CD1D: variants seen among roughly 807,000 people sequenced by gnomAD.
The protein encoded by CD1D is antigen-presenting glycoprotein CD1d.
CD1D carries 40 observed loss-of-function variants against 42.1 expected under a neutral mutation model. That is an observed-to-expected ratio of 0.95 (90% CI 0.74 to 1.24). The LOEUF (loss-of-function observed/expected upper bound fraction) is 1.24. CD1D is among the 50% of genes most tolerant of loss of function. The pLI, the probability that CD1D is intolerant of heterozygous loss-of-function variation, is 0.00. For missense variants in CD1D, 437 were observed against 416.5 expected (o/e 1.05, Z -0.43); for synonymous variants, 178 against 171.8 (o/e 1.04, Z -0.28).
Position 158,185,162 on chromosome 1 carries a change from A to G in CD1D, c.*1012A>G, listed in dbSNP as rs184594994. On this transcript the variant is annotated 3_prime_UTR_variant, in exon 6 of 6. Transcript: ENST00000674085. Reference sequence around the variant, plus strand: ...GCTGTGTTCTTATCTTAGAGAGGACAGAGCAGGAAACTTACAGGGGTAGCA... The same window carrying G: ...GCTGTGTTCTTATCTTAGAGAGGACGGAGCAGGAAACTTACAGGGGTAGCA... Among the ~76,000 whole-genome samples, 26 of 152,356 alleles carry G rather than the reference A, an allele frequency of 1.7e-4. No homozygotes were observed. The East Asian group carries it at 4.6e-3, about 27-fold the overall frequency.
chr1:158,180,389 A>T (rs859010), upstream of CD1D, among the ~76,000 whole-genome samples: 18,503 of 151,938 alleles, frequency 0.12, 1,581 homozygotes, highest in East Asian at 0.43. Context: ...CAAAAAGGAG[A>T]CAGGGAAGAC....
intron 1 of CD1D, 79 bp from the exon 2 acceptor site, chr1:158,181,374 CTT>C: frequency 6.4e-7 from 1 of 1,569,554 alleles, no homozygotes; most frequent in Non-Finnish European, 8.7e-7. Context: ...CTCATCTCCT[CTT>C]GTTTCTTTCT....
chr1:158,182,125 T>C lies in CD1D; in HGVS notation c.422T>C (p.Ile141Thr), dbSNP rs1473022956. The C allele has an allele frequency of 6.2e-7, 1 of 1,614,172 alleles. No individual in the cohort carries two copies. Among genetic ancestry groups the C allele is most frequent in the Non-Finnish European group, 8.5e-7 (1 of 1,180,040 alleles). The change falls in exon 3 of 6, where the codon ATC becomes ACC. Residue 141 changes from isoleucine (I) to threonine (T), a missense_variant. Coordinates refer to ENST00000674085, the MANE Select transcript of CD1D (RefSeq NM_001371762.2). ...CATGTAGCATTTCAAGGAAAAGATA[T>C]CCTGAGTTTCCAAGGAACTTCTTGG... ...FFHVAFQGKD[I>T]LSFQGTSWEP...
chr1:158,181,667 C>G lies in CD1D; in HGVS notation c.274C>G (p.Arg92Gly), dbSNP rs770171229. Residue 92 changes from arginine to glycine, a missense_variant, in exon 2 of 6, where the codon CGA becomes GGA. Arg to Gly is a moderately radical substitution (Grantham distance 125). Coordinates refer to ENST00000674085, the MANE Select transcript of CD1D (RefSeq NM_001371762.2). Reference protein sequence around the residue: ...ETLQHIFRVYRSSFTRDVKEF... With the variant: ...ETLQHIFRVYGSSFTRDVKEF... ...GCTGCAGCATATATTTCGGGTTTATCGAAGCAGCTTCACCAGGGACGTGAA... is the reference window on the plus strand; with the variant it reads ...GCTGCAGCATATATTTCGGGTTTATGGAAGCAGCTTCACCAGGGACGTGAA... 3.1e-6 allele frequency: 5 copies of G among 1,613,604 alleles called. No individual in the cohort carries two copies. In the South Asian group the frequency reaches 5.5e-5, roughly 18 times the overall value.
Position 158,181,685 on chromosome 1 carries a change from G to GC in CD1D, c.292_293insC (p.Asp98AlafsTer24). 6.2e-7 allele frequency: 1 copy of GC among 1,612,664 alleles called. No individual in the cohort carries two copies. Among genetic ancestry groups the GC allele is most frequent in the Non-Finnish European group, 8.5e-7 (1 of 1,180,024 alleles). On this transcript the variant is annotated frameshift_variant, in exon 2 of 6. Transcript: ENST00000674085. LOFTEE classifies it high-confidence loss of function. ...GGTTTATCGAAGCAGCTTCACCAGG[G>GC]ACGTGAAGGAATTCGCCAAAATGCT...
intron 4 of CD1D, 124 bp downstream of exon 4, chr1:158,183,280 A>T: frequency 8.5e-7 from 1 of 1,180,274 alleles, no homozygotes; most frequent in Non-Finnish European, 1.2e-6. Flanking sequence ...TGAGGCCCCC[A>T]GTAAAAGGAT....
chr1:158,182,852 C>G, intron 3 of CD1D, 26 bp from the exon 4 acceptor site: 20 of 1,565,494 alleles, frequency 1.3e-5, no homozygotes, highest in Non-Finnish European at 1.7e-5. Context: ...ACTTTAAGAT[C>G]CCCCCCATTC....
intron 2 of CD1D, 115 bp from the exon 3 acceptor site, chr1:158,181,916 TA>T: frequency 1.4e-6 from 2 of 1,405,546 alleles, no homozygotes; most frequent in Non-Finnish European, 1.9e-6. Flanking sequence ...CCAGGTCACT[TA>T]CTTTCCTTTC....
chr1:158,181,636 G>T lies in CD1D; in HGVS notation c.243G>T (p.Trp81Cys), dbSNP rs773711451. The change falls in exon 2 of 6, where the codon TGG (tryptophan) becomes TGT (cysteine). Residue 81 changes from tryptophan to cysteine, a missense_variant. Transcript: ENST00000674085. ...AGGGCACGTTCAGCGACCAGCAGTG[G>T]GAGACGCTGCAGCATATATTTCGGG... The part of the protein sequence containing the change: ...WSQGTFSDQQ[W>C]ETLQHIFRVY... 1 of 1,614,062 alleles carries T rather than the reference G, an allele frequency of 6.2e-7. No individual in the cohort carries two copies. Among genetic ancestry groups the T allele is most frequent in the East Asian group, 2.2e-5 (1 of 44,866 alleles).
chr1:158,181,896 C>A, intron 2 of CD1D, 136 bp from the exon 3 acceptor site: 1 of 1,341,916 alleles, frequency 7.5e-7, no homozygotes, highest in Non-Finnish European at 1.0e-6. Flanking sequence ...GTCCCTCGTT[C>A]CTGCCTACTC....
chr1:158,182,639 G>A (rs948632589), intron 3 of CD1D, among the ~76,000 whole-genome samples: 1 of 152,160 alleles, frequency 6.6e-6, no homozygotes, highest in South Asian at 2.1e-4. Flanking sequence ...CAGACAAGGG[G>A]CATTCATAGG....
upstream of CD1D, among the ~76,000 whole-genome samples, chr1:158,179,526 GAGAC>G (rs1351347457): frequency 2.0e-5 from 3 of 152,192 alleles, no homozygotes; most frequent in Non-Finnish European, 2.9e-5. Flanking sequence ...GACACAGAGG[GAGAC>G]AGACATATGG....
chr1:158,181,543 G>C lies in CD1D; in HGVS notation c.150G>C (p.Leu50=). The part of the protein sequence containing the change: ...SWTRTDGLAW[L]GELQTHSWSN... ...CGCGCACCGACGGCTTGGCGTGGCTGGGGGAGCTGCAGACGCACAGCTGGA... is the reference window on the plus strand; with the variant it reads ...CGCGCACCGACGGCTTGGCGTGGCTCGGGGAGCTGCAGACGCACAGCTGGA... Residue 50 remains leucine (L), a synonymous_variant, in exon 2 of 6, where the codon CTG becomes CTC. Transcript: ENST00000674085. 6.2e-7 allele frequency: 1 copy of C among 1,614,126 alleles called. No homozygotes were observed.
At position 158,183,173 on chromosome 1, in the gene CD1D, C is replaced by A. The variant is rs376750197; in HGVS notation, c.886+17C>A. On this transcript the variant is annotated intron_variant, in intron 4 of 5. Transcript: ENST00000674085. ...TCTACTGGGGTGAGAAAAAGCTGGG[C>A]CCAAGCTGGAAATGGCAGGAGGTGG... The A allele has an allele frequency of 1.5e-5, 24 of 1,579,226 alleles. No homozygotes were observed. The highest frequency in any genetic ancestry group is 2.0e-5 in the Non-Finnish European group (23 of 1,158,656).
chr1:158,179,518 C>A (rs752539664), upstream of CD1D, among the ~76,000 whole-genome samples: 1 of 152,166 alleles, frequency 6.6e-6, no homozygotes, highest in Non-Finnish European at 1.5e-5. Flanking sequence ...TAGAAGAGGA[C>A]ACAGAGGGAG....
upstream of CD1D, among the ~76,000 whole-genome samples, chr1:158,179,301 C>CT (rs1040975698): frequency 6.6e-6 from 1 of 152,008 alleles, no homozygotes; most frequent in African/African-American, 2.4e-5. Flanking sequence ...TTATTTTAAG[C>CT]TTTTTTGGGC....
intron 4 of CD1D, among the ~76,000 whole-genome samples, 200 bp from the exon 5 acceptor site, chr1:158,183,736 T>C (rs692565): frequency 0.51 from 77,722 of 152,038 alleles, 20,557 homozygotes; most frequent in East Asian, 0.76. Flanking sequence ...CTAGCAAATG[T>C]CAAAGTGGGC....
intron 3 of CD1D, 138 bp from the exon 4 acceptor site, chr1:158,182,740 T>C: frequency 2.9e-6 from 3 of 1,045,008 alleles, no homozygotes; most frequent in Non-Finnish European, 4.2e-6. Flanking sequence ...AGACTTCATT[T>C]CCAGAAGTGA....
rs1648542581 is a variant in CD1D, at chr1:158,183,219, C to T, written c.886+63C>T. 3 of 1,537,198 alleles carry T rather than the reference C, an allele frequency of 2.0e-6. No individual in the cohort carries two copies. The African/African-American group carries it at 4.1e-5, about 21-fold the overall frequency. On this transcript the variant is annotated intron_variant, in intron 4 of 5. Transcript: ENST00000674085. Reference sequence around the variant, plus strand: ...GGTGGTCCTCAGGCATAGAGGGAGGCACTGGGGTGGGATGTGGCTTGATAT... The same window carrying T: ...GGTGGTCCTCAGGCATAGAGGGAGGTACTGGGGTGGGATGTGGCTTGATAT...
Sources: gnomAD v4.1 joint callset for allele counts (sites outside exome capture counted in the v4.1 genomes callset) on GRCh38, gnomAD v4.1.1 for gene constraint, MANE v1.5 for transcripts, NCBI Gene and HGNC (gene_info 2026-07-23, HGNC 2026-07-21) for gene names.